Variants in LRMDA observed in about 807,000 individuals in gnomAD.
LRMDA encodes leucine-rich melanocyte differentiation-associated protein.
In LRMDA, 18 loss-of-function variants were observed where a neutral mutation model predicts 29.8. The ratio of observed to expected loss-of-function variants is 0.60; its 90% CI spans 0.42 to 0.90. The LOEUF (loss-of-function observed/expected upper bound fraction) is 0.90. Among genes scored for constraint, LRMDA ranks in the 40% least tolerant of loss-of-function variants. The probability of loss-of-function intolerance (pLI) is 0.00; values close to 1 mark genes in which losing one functional copy is unlikely to be tolerated. For missense variants in LRMDA, 273 were observed against 273.9 expected, an observed-to-expected ratio of 1.00 and a Z score of 0.02; for synonymous variants, 125 against 109.4, an observed-to-expected ratio of 1.14 and a Z score of -0.89.
At chr10:76,224,132 A>G (rs1190180017) in intron 5 of LRMDA, among the ~76,000 whole-genome samples, 1 of 151,922 alleles carries the variant, frequency 6.6e-6, no homozygotes, top group Non-Finnish European at 1.5e-5. Context: ...CTAAAAATTT[A>G]TATGACTCTC....
chr10:75,812,164 T>C (rs1351176561), intron 2 of LRMDA, among the ~76,000 whole-genome samples: 1 of 149,062 alleles, frequency 6.7e-6, no homozygotes, highest in Non-Finnish European at 1.5e-5. Context: ...GTTTGCTTCA[T>C]ATGTCTTTTG....
At chr10:76,248,602 T>C (rs1210943001) in intron 5 of LRMDA, among the ~76,000 whole-genome samples, 1 of 152,208 alleles carries the variant, frequency 6.6e-6, no homozygotes, top group Admixed American at 6.5e-5. Context: ...GGGAAGGACA[T>C]GGATCAAGGT....
At chr10:76,555,030 C>G (rs1843539088) in intron 6 of LRMDA, among the ~76,000 whole-genome samples, 1 of 152,050 alleles carries the variant, frequency 6.6e-6, no homozygotes, top group Admixed American at 6.6e-5. Context: ...AAATTAGCAT[C>G]CTTTGGCCCC....
At chr10:75,662,998 C>T (rs1841774412) in intron 2 of LRMDA, among the ~76,000 whole-genome samples, 1 of 152,182 alleles carries the variant, frequency 6.6e-6, no homozygotes, top group Admixed American at 6.5e-5. Flanking sequence ...GGAACTTTGT[C>T]TGGACTTCAG....
At chr10:75,950,198 T>C (rs1319238285) in intron 2 of LRMDA, among the ~76,000 whole-genome samples, 4 of 152,188 alleles carry the variant, frequency 2.6e-5, no homozygotes, top group Non-Finnish European at 4.4e-5. Context: ...GTACTCATAA[T>C]CTTTTATTAA....
intron 2 of LRMDA, among the ~76,000 whole-genome samples, chr10:75,977,160 T>C (rs1396294854): frequency 1.3e-5 from 2 of 151,586 alleles, no homozygotes; most frequent in African/African-American, 4.9e-5. Context: ...GAGAAGAGAA[T>C]TGTGGGAAAT....
chr10:76,479,296 C>T lies in LRMDA; in HGVS notation c.602-77913C>T, dbSNP rs532202427. On this transcript the variant is annotated intron_variant, in intron 6 of 6. Transcript: ENST00000611255. Reference sequence around the variant, plus strand: ...AGAGGAGGTACTAGGCAATGTGGGGCAAGGGAGAGCGACTTTATTAGTGGT... The same window carrying T: ...AGAGGAGGTACTAGGCAATGTGGGGTAAGGGAGAGCGACTTTATTAGTGGT... 1.7e-3 allele frequency among the ~76,000 whole-genome samples: 265 copies of T among 151,886 alleles called. 3 individuals are homozygous for T. The highest frequency in any genetic ancestry group is 1.4e-3 in the Non-Finnish European group (92 of 67,880).
chr10:76,288,374 A>G (rs1474282604), intron 5 of LRMDA, among the ~76,000 whole-genome samples: 1 of 152,226 alleles, frequency 6.6e-6, no homozygotes, highest in African/African-American at 2.4e-5. Context: ...TAGCAAAGAT[A>G]TGGAATGGAA....
intron 4 of LRMDA, among the ~76,000 whole-genome samples, chr10:76,055,307 AG>A (rs1298501503): frequency 6.6e-6 from 1 of 152,078 alleles, no homozygotes; most frequent in African/African-American, 2.4e-5. Flanking sequence ...AAGGAAGAAA[AG>A]AATTTCATAA....
chr10:75,535,185 A>G (rs768703535), intron 2 of LRMDA, among the ~76,000 whole-genome samples: 14 of 151,962 alleles, frequency 9.2e-5, no homozygotes, highest in Admixed American at 1.3e-4. Context: ...CCTGTTTTTC[A>G]GGGATTTTTT....
chr10:75,688,242 CCTT>C (rs1842105790), intron 2 of LRMDA, among the ~76,000 whole-genome samples: 1 of 152,102 alleles, frequency 6.6e-6, no homozygotes, highest in Non-Finnish European at 1.5e-5. Flanking sequence ...AAATTGAAAA[CCTT>C]CTGGAAAGGA....
chr10:75,523,922 G>C (rs1288884401), intron 2 of LRMDA, among the ~76,000 whole-genome samples: 1 of 152,194 alleles, frequency 6.6e-6, no homozygotes, highest in Non-Finnish European at 1.5e-5. Context: ...AAAACGTGGA[G>C]TTGGAAGACT....
chr10:75,530,694 G>A (rs978118342), intron 2 of LRMDA, among the ~76,000 whole-genome samples: 5 of 152,182 alleles, frequency 3.3e-5, no homozygotes, highest in African/African-American at 9.7e-5. Context: ...TTGGTTTCAG[G>A]TAATGGCTCA....
At chr10:75,790,000 C>T (rs945794843) in intron 2 of LRMDA, among the ~76,000 whole-genome samples, 3 of 152,044 alleles carry the variant, frequency 2.0e-5, no homozygotes, top group African/African-American at 4.8e-5. Flanking sequence ...ATGCCTAGCA[C>T]AGAACTTTGA....
intron 6 of LRMDA, among the ~76,000 whole-genome samples, chr10:76,373,810 T>C (rs1841484524): frequency 6.6e-6 from 1 of 152,318 alleles, no homozygotes; most frequent in Admixed American, 6.5e-5. Flanking sequence ...ACTTTGCAAG[T>C]ATTTATTCTG....
At chr10:76,428,709 G>A (rs1589181610) in intron 6 of LRMDA, among the ~76,000 whole-genome samples, 1 of 152,158 alleles carries the variant, frequency 6.6e-6, no homozygotes, top group Non-Finnish European at 1.5e-5. Context: ...CACTAGCTGT[G>A]CATCTTAGCA....
At chr10:76,339,214 TA>T (rs2132417263) in intron 6 of LRMDA, among the ~76,000 whole-genome samples, 1 of 145,092 alleles carries the variant, frequency 6.9e-6, no homozygotes, top group East Asian at 2.0e-4. Flanking sequence ...TAACTGACCA[TA>T]ACTAAGTCAA....
intron 2 of LRMDA, among the ~76,000 whole-genome samples, chr10:75,558,970 TG>T (rs1350699831): frequency 1.3e-5 from 2 of 150,294 alleles, no homozygotes; most frequent in Non-Finnish European, 3.0e-5. Context: ...TTTGCTATTG[TG>T]AATAGTGCTG....
intron 2 of LRMDA, among the ~76,000 whole-genome samples, chr10:75,773,046 C>T (rs550928490): frequency 1.3e-5 from 2 of 152,242 alleles, no homozygotes; most frequent in South Asian, 2.1e-4. Flanking sequence ...AGAAAAGTAT[C>T]GTGAATGTCT....
Sources: gnomAD v4.1 joint callset for allele counts (sites outside exome capture counted in the v4.1 genomes callset) on GRCh38, gnomAD v4.1.1 for gene constraint, MANE v1.5 for transcripts, NCBI Gene and HGNC (gene_info 2026-07-23, HGNC 2026-07-21) for gene names.